The following FASN variants were observed in gnomAD, a reference collection of about 807,000 sequenced individuals.
The protein encoded by FASN is fatty acid synthase.
A neutral mutation model predicts 250.0 loss-of-function variants in FASN; 50 were observed. The ratio of observed to expected loss-of-function variants is 0.20; its 90% CI spans 0.16 to 0.25. The LOEUF (loss-of-function observed/expected upper bound fraction) is 0.25, where lower values mean the gene tolerates loss of function less well. FASN is among the 10% of genes least tolerant of loss of function. The pLI is 1.00. For synonymous variants in FASN, 1,909 were observed against 1,584.0 expected, an observed-to-expected ratio of 1.21 and a Z score of -4.87; for missense variants, 3,031 against 3,498.5, an observed-to-expected ratio of 0.87 and a Z score of 3.37.
chr17:82,090,609 C>A, intron 10 of FASN, 45 bp from the exon 11 acceptor site: 2 of 1,565,070 alleles, frequency 1.3e-6, no homozygotes, highest in Non-Finnish European at 1.7e-6. Flanking sequence ...CCAGCAGGTG[C>A]AGCTGTTGGG....
chr17:82,086,863 G>A (rs949216533), intron 21 of FASN, among the ~76,000 whole-genome samples, 187 bp downstream of exon 21: 7 of 151,550 alleles, frequency 4.6e-5, no homozygotes, highest in African/African-American at 1.7e-4. Flanking sequence ...CAGTGACCAG[G>A]GACGAGGAAG....
intron 41 of FASN, 24 bp downstream of exon 41, chr17:82,080,116 G>A: frequency 1.2e-6 from 2 of 1,605,168 alleles, no homozygotes; most frequent in Non-Finnish European, 8.5e-7. Context: ...GGGTCCTGCG[G>A]CCTCAGGGGT....
At position 82,083,014 on chromosome 17, in the gene FASN, G is replaced by A. The variant is rs201961129; in HGVS notation, c.5667C>T (p.Ile1889=). 20 of 1,612,872 alleles carry A rather than the reference G, an allele frequency of 1.2e-5. No homozygotes were observed. The highest frequency in any genetic ancestry group is 1.5e-5 in the Non-Finnish European group (18 of 1,180,014). Residue 1889 remains isoleucine (I), a synonymous_variant, in exon 33 of 43, where the codon ATC becomes ATT. Transcript: ENST00000306749. ...TFCPAHKSYI[I]AGGLGGFGLE... ...GGCCGAAGCCACCCAGACCACCAGCGATGATGTAGCTCTTGTGGGCCGGGC... is the reference window on the plus strand; with the variant it reads ...GGCCGAAGCCACCCAGACCACCAGCAATGATGTAGCTCTTGTGGGCCGGGC...
In FASN at chr17:82,091,650, G is replaced by A; in HGVS notation, c.1064C>T (p.Pro355Leu). 1 of 1,594,558 alleles carries A rather than the reference G, an allele frequency of 6.3e-7. No homozygotes were observed. Among genetic ancestry groups the A allele is most frequent in the Non-Finnish European group, 8.5e-7 (1 of 1,172,136 alleles). The change falls in exon 9 of 43, where the codon CCC becomes CTC. Residue 355 changes from proline (P) to leucine (L), a missense_variant. By Grantham distance (98) the Pro-to-Leu change is moderately conservative (BLOSUM62 -3). Transcript: ENST00000306749. ...LLSLEHGLWA[P>L]NLHFHSPNPE... Reference sequence around the variant, plus strand: ...GTTGGGGCTATGGAAGTGCAGGTTGGGGGCCCAGAGCCCGTGCTCCAGGGA... The same window carrying A: ...GTTGGGGCTATGGAAGTGCAGGTTGAGGGCCCAGAGCCCGTGCTCCAGGGA...
intron 10 of FASN, 56 bp downstream of exon 10, chr17:82,090,826 G>A (rs528947529): frequency 1.3e-6 from 2 of 1,537,334 alleles, no homozygotes; most frequent in Non-Finnish European, 1.8e-6. Flanking sequence ...TGGGCTCCAG[G>A]GAAAGCCAGA....
intron 10 of FASN, 23 bp downstream of exon 10, chr17:82,090,859 C>T: frequency 6.4e-7 from 1 of 1,563,746 alleles, no homozygotes; most frequent in South Asian, 1.2e-5. Flanking sequence ...GCGTTGCTCA[C>T]ACGCTGGCAG....
At position 82,087,804 on chromosome 17, in the gene FASN, G is replaced by C; in HGVS notation, c.2924C>G (p.Pro975Arg). 6.2e-7 allele frequency: 1 copy of C among 1,612,634 alleles called. No homozygotes were observed. The highest frequency in any genetic ancestry group is 8.5e-7 in the Non-Finnish European group (1 of 1,179,912). Residue 975 changes from proline (P) to arginine (R), a missense_variant, in exon 19 of 43, where the codon CCC becomes CGC. Pro to Arg is a moderately radical substitution (Grantham distance 103). Coordinates refer to ENST00000306749, the MANE Select transcript of FASN (RefSeq NM_004104.5). ...DPRLFDHPESPTPNPTEPLFL... is the reference protein window; with the variant it reads ...DPRLFDHPESRTPNPTEPLFL... ...GAGGGGCTCCGTGGGGTTGGGGGTG[G>C]GGCTTTCCGGGTGGTCGAAGAGCCT... is the stretch of plus-strand genomic sequence containing the variant.
chr17:82,095,116 C>T (rs1042081220), intron 3 of FASN, among the ~76,000 whole-genome samples: 1 of 152,230 alleles, frequency 6.6e-6, no homozygotes, highest in African/African-American at 2.4e-5. Context: ...GGCACACCCG[C>T]GACACCTCTG....
chr17:82,078,962 T>A lies in FASN; in HGVS notation c.*181A>T, dbSNP rs2033937782. The A allele has an allele frequency of 2.7e-6, 2 of 727,910 alleles. No homozygotes were observed. Among genetic ancestry groups the A allele is most frequent in the Admixed American group, 2.3e-5 (1 of 42,940 alleles). The allele number at this position is 727,910 out of a possible 1,614,324, so 45.1% of individuals were successfully genotyped here. A position where few individuals can be genotyped will look rare whatever the true frequency, so the allele number is the denominator to read the frequency against. ...CAGCTCTGGTGTCCCCGAGGTGCCG[T>A]GGGAGGCGGCGGGTGGGTGGGACAT... On this transcript the variant is annotated 3_prime_UTR_variant, in exon 43 of 43. Transcript: ENST00000306749. The surrounding 1 kb of genome is among the most constrained non-coding windows in gnomAD (Gnocchi z 5.4).
Position 82,088,493 on chromosome 17 carries a change from G to A in FASN, c.2490C>T (p.Ile830=), listed in dbSNP as rs550461078. Residue 830 remains isoleucine, a synonymous_variant, in exon 16 of 43, where the codon ATC becomes ATT. Coordinates refer to ENST00000306749, the MANE Select transcript of FASN (RefSeq NM_004104.5). ...EFPAPRGTPL[I]SPLIKWDHSL... ...TGTGGTCCCACTTGATGAGTGGGGAGATGAGGGGAGTTCCTCGGGGAGCTG... is the reference window on the plus strand; with the variant it reads ...TGTGGTCCCACTTGATGAGTGGGGAAATGAGGGGAGTTCCTCGGGGAGCTG... 5.0e-6 allele frequency: 8 copies of A among 1,609,830 alleles called. No homozygotes were observed. The African/African-American group carries it at 8.0e-5, about 16-fold the overall frequency.
intron 15 of FASN, 29 bp from the exon 16 acceptor site, chr17:82,088,591 AC>A: frequency 6.3e-7 from 1 of 1,596,584 alleles, no homozygotes; most frequent in Non-Finnish European, 8.5e-7. Context: ...TGGGTAGCAC[AC>A]CCGTCACCGG....
chr17:82,079,808 ACC>A, intron 41 of FASN, 200 bp from the exon 42 acceptor site: 1 of 735,462 alleles, frequency 1.4e-6, no homozygotes, highest in Admixed American at 2.9e-5. Flanking sequence ...ACCTCCACCT[ACC>A]CGGTTCAAGC....
At position 82,083,045 on chromosome 17, in the gene FASN, G is replaced by A. The variant is rs897091148; in HGVS notation, c.5636C>T (p.Thr1879Ile). 1.2e-6 allele frequency: 2 copies of A among 1,612,638 alleles called. No homozygotes were observed. The highest frequency in any genetic ancestry group is 2.7e-5 in the African/African-American group (2 of 74,898). The change falls in exon 33 of 43, where the codon ACC becomes ATC. Residue 1879 changes from threonine (T) to isoleucine (I), a missense_variant. By Grantham distance (89) the Thr-to-Ile change is moderately conservative (BLOSUM62 -1). Coordinates refer to ENST00000306749, the MANE Select transcript of FASN (RefSeq NM_004104.5). ...KPKLMSAISK[T>I]FCPAHKSYII... ...GTAGCTCTTGTGGGCCGGGCAGAAG[G>A]TCTTGGAGATGGCCGACATCAGCTT...
intron 2 of FASN, among the ~76,000 whole-genome samples, chr17:82,096,047 G>A (rs2034297253): frequency 6.6e-6 from 1 of 152,260 alleles, no homozygotes; most frequent in African/African-American, 2.4e-5. Flanking sequence ...CCTCGGCCTT[G>A]CAGCCATTGG....
rs376251096 is a variant in FASN, at chr17:82,083,374, G to A, written c.5393C>T (p.Ala1798Val). Residue 1798 changes from alanine to valine, a missense_variant, in exon 32 of 43, where the codon GCG becomes GTG. Ala to Val is a moderately conservative substitution (Grantham distance 64). Transcript: ENST00000306749. ...GTCAGCACTGCTCTCGTTGAAGAAC[G>A]CATCCAGTAGGACCCCGTGGAATGT... The part of the protein sequence containing the change: ...NVTFHGVLLD[A>V]FFNESSADWR... 3.8e-5 allele frequency: 62 copies of A among 1,612,668 alleles called. No individual in the cohort carries two copies. Among genetic ancestry groups the A allele is most frequent in the Admixed American group, 1.0e-4 (6 of 60,000 alleles).
Position 82,082,728 on chromosome 17 carries a change from C to T in FASN, c.5768-50G>A, listed in dbSNP as rs752856519. The T allele has an allele frequency of 3.1e-6, 5 of 1,597,900 alleles. No individual in the cohort carries two copies. In the African/African-American group the frequency reaches 4.0e-5, roughly 13 times the overall value. On this transcript the variant is annotated intron_variant, in intron 33 of 42. Transcript: ENST00000306749. ...GGACTGGGCCAGGGTACGGTCTCTT[C>T]CCTACACGCCGGGCTGGGGAAGTGG...
Position 82,087,843 on chromosome 17 carries a change from T to C in FASN, c.2885A>G (p.Asp962Gly). ...GTCGAAGAGCCTGGGGTCAGGGTCATCCCACTGGTACACCTTCCCTGTGGA... is the reference window on the plus strand; with the variant it reads ...GTCGAAGAGCCTGGGGTCAGGGTCACCCCACTGGTACACCTTCCCTGTGGA... ...LVVSGKVYQW[D>G]DPDPRLFDHP... Residue 962 changes from aspartate to glycine, a missense_variant, in exon 19 of 43, where the codon GAT becomes GGT. Transcript: ENST00000306749. 6.8e-6 allele frequency: 11 copies of C among 1,612,612 alleles called. No homozygotes were observed. Among genetic ancestry groups the C allele is most frequent in the Non-Finnish European group, 8.5e-6 (10 of 1,179,896 alleles).
At position 82,088,741 on chromosome 17, in the gene FASN, C is replaced by G. The variant is rs374708430; in HGVS notation, c.2420+20G>C. The G allele has an allele frequency of 6.2e-7, 1 of 1,603,378 alleles. No homozygotes were observed. The highest frequency in any genetic ancestry group is 1.7e-5 in the Admixed American group (1 of 59,970). ...GTCCCCGACTCCGGGAGACGAGACC[C>G]GGGCTGGGAAGGGACCCACCCTGAG... On this transcript the variant is annotated intron_variant, in intron 15 of 42. Transcript: ENST00000306749.
chr17:82,091,264 G>C lies in FASN; in HGVS notation c.1450C>G (p.Gln484Glu). The C allele has an allele frequency of 5.6e-6, 9 of 1,603,768 alleles. No homozygotes were observed. The highest frequency in any genetic ancestry group is 7.7e-6 in the Non-Finnish European group (9 of 1,175,414). ...AGCGGGCGCTCGCCAGCGGGCACCT[G>C]CTGCACCTCTGGGCCACCGCGCTCA... ...GGERGGPEVQ[Q>E]VPAGERPLWF... Residue 484 changes from glutamine (Q) to glutamate (E), a missense_variant, in exon 9 of 43, where the codon CAG (glutamine) becomes GAG (glutamate). Gln to Glu is a conservative substitution (Grantham distance 29). Coordinates refer to ENST00000306749, the MANE Select transcript of FASN (RefSeq NM_004104.5).
Sources: gnomAD v4.1 joint callset for allele counts (sites outside exome capture counted in the v4.1 genomes callset) on GRCh38, gnomAD v4.1.1 for gene constraint, Gnocchi (gnomAD v3.1) non-coding constraint, MANE v1.5 for transcripts, NCBI Gene and HGNC (gene_info 2026-07-23, HGNC 2026-07-21) for gene names.